Variants in SLC7A8 observed in about 807,000 individuals in gnomAD.
The protein encoded by SLC7A8 is solute carrier family 7 member 8.
SLC7A8 carries 30 observed loss-of-function variants against 51.2 expected under a neutral mutation model. That is an observed-to-expected ratio of 0.59 (90% CI 0.44 to 0.80). SLC7A8 has a LOEUF of 0.80. Ranked by LOEUF, SLC7A8 falls within the 30% of genes least tolerant of loss-of-function variation. The pLI is 0.00. For missense variants in SLC7A8, 612 were observed against 674.4 expected, an observed-to-expected ratio of 0.91 and a Z score of 1.03; for synonymous variants, 257 against 275.8, an observed-to-expected ratio of 0.93 and a Z score of 0.67.
At chr14:23,163,987 G>T (rs2048936624) in intron 3 of SLC7A8, among the ~76,000 whole-genome samples, 1 of 151,026 alleles carries the variant, frequency 6.6e-6, no homozygotes, top group Non-Finnish European at 1.5e-5. Flanking sequence ...TTAGAGACAG[G>T]ATCTCACTAT....
intron 3 of SLC7A8, among the ~76,000 whole-genome samples, 179 bp from the exon 4 acceptor site, chr14:23,143,383 G>A (rs2048763263): frequency 6.6e-6 from 1 of 152,252 alleles, no homozygotes; most frequent in African/African-American, 2.4e-5. Flanking sequence ...GGTTGCAAAT[G>A]GGGATTATAT....
chr14:23,152,613 A>G (rs957954654), intron 3 of SLC7A8, among the ~76,000 whole-genome samples: 1 of 151,900 alleles, frequency 6.6e-6, no homozygotes, highest in Non-Finnish European at 1.5e-5. Context: ...GGGTTATGCC[A>G]GGTTGCCCAG....
chr14:23,133,226 C>T (rs1020941409), intron 7 of SLC7A8, among the ~76,000 whole-genome samples: 10 of 151,806 alleles, frequency 6.6e-5, no homozygotes, highest in Non-Finnish European at 1.5e-4. Context: ...TCATTTGAGC[C>T]CGGAAGTTTG....
intron 3 of SLC7A8, among the ~76,000 whole-genome samples, chr14:23,150,704 T>C (rs748361963): frequency 5.9e-5 from 9 of 152,196 alleles, no homozygotes; most frequent in Non-Finnish European, 7.3e-5. Flanking sequence ...AAAAAGAGCA[T>C]GTGATTTGCT....
rs1018071701 is a variant in SLC7A8 at position 23,175,721 on chromosome 14, C to T, written c.151+7043G>A. On this transcript the variant is annotated intron_variant, in intron 1 of 10. Coordinates refer to ENST00000316902, the MANE Select transcript of SLC7A8 (RefSeq NM_012244.4). ...AAATTACTCCTTTAGCTCTCTGGTT[C>T]CTGGAGTCAGGAAGTGTCCAACAGG... Among the ~76,000 whole-genome samples, 7 of 152,174 alleles carry T rather than the reference C, an allele frequency of 4.6e-5. No homozygotes were observed. The East Asian group carries it at 1.2e-3, about 25-fold the overall frequency.
At chr14:23,160,528 G>T (rs569854496) in intron 3 of SLC7A8, among the ~76,000 whole-genome samples, 1 of 146,210 alleles carries the variant, frequency 6.8e-6, no homozygotes, top group Non-Finnish European at 1.5e-5. Context: ...CCGAGATCGC[G>T]CCACTGCACT....
chr14:23,129,394 G>A (rs947635644), intron 9 of SLC7A8: 3 of 443,348 alleles, frequency 6.8e-6, no homozygotes, highest in Non-Finnish European at 1.2e-5. Context: ...AGACTGGTAG[G>A]AAACAAAGGA....
chr14:23,139,334 G>A, intron 6 of SLC7A8, 90 bp downstream of exon 6: 1 of 1,587,704 alleles, frequency 6.3e-7, no homozygotes, highest in Non-Finnish European at 8.6e-7. Flanking sequence ...CTTCCACAAG[G>A]CCATGGATCA....
rs11405198 is a variant in SLC7A8 at position 23,160,570 on chromosome 14, T to TAA, written c.508+4713_508+4714dup. Among the ~76,000 whole-genome samples the TAA allele has an allele frequency of 2.0e-3, 251 of 127,122 alleles. 1 individual carries two copies. Among genetic ancestry groups the TAA allele is most frequent in the South Asian group, 4.5e-3 (17 of 3,816 alleles). The allele number at this position is 127,122 out of a possible 152,430, so 83.4% of individuals were successfully genotyped here. On this transcript the variant is annotated intron_variant, in intron 3 of 10. Coordinates refer to ENST00000316902, the MANE Select transcript of SLC7A8 (RefSeq NM_012244.4). The stretch of plus-strand genomic sequence containing the variant: ...TGGGTGACGGAGGGAGACTCCGTCT[T>TAA]AAAAAAAAAAAAAAAAAAGGGCACG...
chr14:23,170,180 G>A (rs974641535), intron 1 of SLC7A8, among the ~76,000 whole-genome samples: 1 of 152,136 alleles, frequency 6.6e-6, no homozygotes, highest in African/African-American at 2.4e-5. Flanking sequence ...AGAGGTGAAG[G>A]GACTTTATCA....
intron 6 of SLC7A8, 147 bp from the exon 7 acceptor site, chr14:23,138,171 A>C: frequency 3.2e-6 from 3 of 943,124 alleles, no homozygotes; most frequent in Non-Finnish European, 4.7e-6. Flanking sequence ...CCACCCTCTC[A>C]AGGGTGGACC....
At chr14:23,177,952 TA>T (rs1287395370) in intron 1 of SLC7A8, among the ~76,000 whole-genome samples, 1 of 152,236 alleles carries the variant, frequency 6.6e-6, no homozygotes, top group African/African-American at 2.4e-5. Context: ...CTTTAGGAGA[TA>T]AAAATAGAAA....
chr14:23,142,846 G>T (rs2048757673), intron 4 of SLC7A8, among the ~76,000 whole-genome samples: 1 of 152,154 alleles, frequency 6.6e-6, no homozygotes, highest in African/African-American at 2.4e-5. Context: ...CTTGAGGTAA[G>T]CATGGGAGAG....
At chr14:23,132,727 C>G (rs965794596) in intron 7 of SLC7A8, among the ~76,000 whole-genome samples, 10 of 151,814 alleles carry the variant, frequency 6.6e-5, no homozygotes, top group African/African-American at 2.2e-4. Context: ...CCTCCGCCTC[C>G]CAGGTTCAAG....
intron 1 of SLC7A8, among the ~76,000 whole-genome samples, chr14:23,172,961 C>T (rs543558692): frequency 6.6e-6 from 1 of 151,898 alleles, no homozygotes; most frequent in South Asian, 2.1e-4. Flanking sequence ...ATGGGAATAA[C>T]TCATTTTTAA....
intron 1 of SLC7A8, among the ~76,000 whole-genome samples, chr14:23,181,491 G>C (rs890953052): frequency 1.3e-5 from 2 of 152,116 alleles, no homozygotes; most frequent in African/African-American, 4.8e-5. Flanking sequence ...ACTGAAGAGA[G>C]CTTGGTCACT....
At chr14:23,148,393 T>C (rs934915888) in intron 3 of SLC7A8, among the ~76,000 whole-genome samples, 1 of 152,106 alleles carries the variant, frequency 6.6e-6, no homozygotes. Flanking sequence ...CACGCCTGGC[T>C]AATTTTTGTA....
intron 1 of SLC7A8, among the ~76,000 whole-genome samples, chr14:23,180,102 T>G (rs1877101616): frequency 6.6e-6 from 1 of 152,008 alleles, no homozygotes; most frequent in Non-Finnish European, 1.5e-5. Context: ...GAGACGAGGT[T>G]TCACCGTGTT....
chr14:23,134,004 G>A (rs918581836), intron 7 of SLC7A8, among the ~76,000 whole-genome samples: 1 of 151,872 alleles, frequency 6.6e-6, no homozygotes, highest in Non-Finnish European at 1.5e-5. Context: ...GCAGTAGCAC[G>A]ATGATGGCTC....
Sources: gnomAD v4.1 joint callset for allele counts (sites outside exome capture counted in the v4.1 genomes callset) on GRCh38, gnomAD v4.1.1 for gene constraint, MANE v1.5 for transcripts, NCBI Gene and HGNC (gene_info 2026-07-23, HGNC 2026-07-21) for gene names.